The following ETV6 variants were observed in gnomAD, a reference collection of about 807,000 sequenced individuals.
ETV6 encodes transcription factor ETV6.
In ETV6, 16 loss-of-function variants were observed where a neutral mutation model predicts 51.1. The observed-to-expected ratio is 0.31, with a 90% confidence interval of 0.21 to 0.48. ETV6 has a LOEUF of 0.48. Among genes scored for constraint, ETV6 ranks in the 20% least tolerant of loss-of-function variants. The probability of loss-of-function intolerance (pLI) is 0.99; values close to 1 mark genes in which losing one functional copy is unlikely to be tolerated. For missense variants in ETV6, 458 were observed against 594.8 expected (o/e 0.77, Z 2.39); for synonymous variants, 240 against 224.1 (o/e 1.07, Z -0.64).
chr12:11,718,502 A>G (rs1433060718), intron 1 of ETV6, among the ~76,000 whole-genome samples: 1 of 151,454 alleles, frequency 6.6e-6, no homozygotes, highest in Non-Finnish European at 1.5e-5. Flanking sequence ...GTGGTGGCAC[A>G]CTCCTGAAAT....
intron 4 of ETV6, among the ~76,000 whole-genome samples, chr12:11,856,165 C>T (rs1946630569): frequency 6.6e-6 from 1 of 152,140 alleles, no homozygotes; most frequent in South Asian, 2.1e-4. Context: ...TTTGCAGGAG[C>T]TCAGCAATAG....
At chr12:11,776,102 G>A (rs1265619028) in intron 2 of ETV6, among the ~76,000 whole-genome samples, 3 of 152,188 alleles carry the variant, frequency 2.0e-5, no homozygotes, top group South Asian at 2.1e-4. Context: ...ATTTAGCCTG[G>A]GAGCTCACGG....
intron 1 of ETV6, among the ~76,000 whole-genome samples, chr12:11,697,458 T>C (rs1200895214): frequency 6.6e-6 from 1 of 152,244 alleles, no homozygotes; most frequent in Admixed American, 6.5e-5. Context: ...AGGATTCTGC[T>C]TTTAAGCTTG....
intron 4 of ETV6, among the ~76,000 whole-genome samples, chr12:11,860,697 C>CA (rs1376447542): frequency 6.6e-6 from 1 of 151,992 alleles, no homozygotes; most frequent in East Asian, 1.9e-4. Flanking sequence ...TTGTTTCCCC[C>CA]CCTCTGTTTG....
chr12:11,847,810 T>A (rs2238119), intron 3 of ETV6, among the ~76,000 whole-genome samples: 81,974 of 151,898 alleles, frequency 0.54, 23,506 homozygotes, highest in African/African-American at 0.72. Flanking sequence ...CAGGAGCAGT[T>A]CCTAACAGGG....
At chr12:11,757,529 G>A (rs767529540) in intron 2 of ETV6, among the ~76,000 whole-genome samples, 1 of 151,476 alleles carries the variant, frequency 6.6e-6, no homozygotes, top group African/African-American at 2.4e-5. Flanking sequence ...TCACTTAATT[G>A]TACAGCAGTC....
chr12:11,667,323 T>C (rs369715329), intron 1 of ETV6, among the ~76,000 whole-genome samples: 2 of 152,222 alleles, frequency 1.3e-5, no homozygotes, highest in African/African-American at 2.4e-5. Context: ...GTTGAGGCTG[T>C]TGAGTGAGAA....
intron 4 of ETV6, 48 bp downstream of exon 4, chr12:11,853,609 A>G: frequency 6.2e-7 from 1 of 1,601,912 alleles, no homozygotes; most frequent in Non-Finnish European, 8.5e-7. Flanking sequence ...AGACAAATCC[A>G]GGAAGTTTAA....
At chr12:11,866,454 C>G (rs1306659109) in intron 4 of ETV6, among the ~76,000 whole-genome samples, 1 of 152,176 alleles carries the variant, frequency 6.6e-6, no homozygotes, top group Middle Eastern at 3.2e-3. Flanking sequence ...CATTGAGACA[C>G]TGGATTGTGT....
intron 1 of ETV6, among the ~76,000 whole-genome samples, chr12:11,678,990 C>T (rs978712727): frequency 3.3e-5 from 5 of 152,300 alleles, no homozygotes; most frequent in African/African-American, 1.2e-4. Context: ...AGGAGCTAAT[C>T]TCTCCGGAAA....
chr12:11,865,695 G>C (rs1015556462), intron 4 of ETV6, among the ~76,000 whole-genome samples: 1 of 147,722 alleles, frequency 6.8e-6, no homozygotes. Context: ...AGTATATATG[G>C]TGTGTGTGTA....
At chr12:11,827,068 T>TCACACA (rs1491232978) in intron 2 of ETV6, among the ~76,000 whole-genome samples, 7 of 100,420 alleles carry the variant, frequency 7.0e-5, no homozygotes, top group South Asian at 3.6e-4. Flanking sequence ...GAGAAGTCTG[T>TCACACA]CTCACACACA....
chr12:11,670,348 TCTTA>T (rs1264732296), intron 1 of ETV6, among the ~76,000 whole-genome samples: 3 of 152,314 alleles, frequency 2.0e-5, no homozygotes, highest in South Asian at 2.1e-4. Context: ...GTGATATGAG[TCTTA>T]CTTCGTTTGG....
intron 4 of ETV6, among the ~76,000 whole-genome samples, chr12:11,855,184 T>TA (rs1233019426): frequency 2.0e-5 from 3 of 150,444 alleles, no homozygotes; most frequent in Non-Finnish European, 4.4e-5. Flanking sequence ...CAGGCGCCTG[T>TA]AGTCCCAGCT....
intron 1 of ETV6, among the ~76,000 whole-genome samples, chr12:11,670,870 A>G (rs971554734): frequency 3.3e-5 from 5 of 152,230 alleles, no homozygotes; most frequent in Non-Finnish European, 7.3e-5. Context: ...AGGGTTTTAA[A>G]AATATTCTTT....
chr12:11,839,329 T>C (rs1306228586), intron 3 of ETV6, 25 bp downstream of exon 3: 2 of 1,594,216 alleles, frequency 1.3e-6, no homozygotes, highest in African/African-American at 2.7e-5. Context: ...TCTTGGCATA[T>C]GCCCAACTTG....
chr12:11,749,012 G>A (rs140686930), intron 1 of ETV6, among the ~76,000 whole-genome samples: 1 of 152,104 alleles, frequency 6.6e-6, no homozygotes, highest in Non-Finnish European at 1.5e-5. Flanking sequence ...CTGCTCATAG[G>A]TATTACAATT....
intron 1 of ETV6, among the ~76,000 whole-genome samples, chr12:11,715,679 T>C (rs1455371837): frequency 6.6e-6 from 1 of 152,252 alleles, no homozygotes. Flanking sequence ...ATTGTTTTCC[T>C]TGTTTTTGGA....
At chr12:11,806,619 T>C (rs1945832745) in intron 2 of ETV6, among the ~76,000 whole-genome samples, 1 of 152,234 alleles carries the variant, frequency 6.6e-6, no homozygotes, top group African/African-American at 2.4e-5. Flanking sequence ...AGCAATGTGC[T>C]AGACACTGTA....
Sources: allele counts gnomAD v4.1 joint callset (sites outside exome capture counted in the v4.1 genomes callset), GRCh38; gene constraint gnomAD v4.1.1; transcripts MANE v1.5; gene names NCBI Gene and HGNC (gene_info 2026-07-23, HGNC 2026-07-21).